The following HDAC9 variants were observed in gnomAD, a reference collection of about 807,000 sequenced individuals.
HDAC9 encodes the protein histone deacetylase 9.
A neutral mutation model predicts 139.4 loss-of-function variants in HDAC9; 41 were observed. That is an observed-to-expected ratio of 0.29 (90% CI 0.23 to 0.38). HDAC9 has a LOEUF of 0.38. Among genes scored for constraint, HDAC9 ranks in the 10% least tolerant of loss-of-function variants. The pLI, the probability that HDAC9 is intolerant of heterozygous loss-of-function variation, is 1.00. For missense variants in HDAC9, 1,147 were observed against 1,297.0 expected (o/e 0.88, Z 1.78); for synonymous variants, 517 against 476.2 (o/e 1.09, Z -1.12).
intron 1 of HDAC9, among the ~76,000 whole-genome samples, chr7:18,331,914 G>C (rs923754662): frequency 6.6e-6 from 1 of 151,380 alleles, no homozygotes; most frequent in African/African-American, 2.4e-5. Flanking sequence ...GTGGCACAGT[G>C]GTGATCACAT....
intron 2 of HDAC9, among the ~76,000 whole-genome samples, chr7:18,201,173 T>C (rs543865550): frequency 6.6e-6 from 1 of 152,204 alleles, no homozygotes; most frequent in East Asian, 1.9e-4. Flanking sequence ...CACTCCCCAT[T>C]CCCAGTCTCA....
At chr7:18,467,329 A>G (rs1380805725) in intron 1 of HDAC9, among the ~76,000 whole-genome samples, 5 of 152,154 alleles carry the variant, frequency 3.3e-5, no homozygotes, top group Middle Eastern at 3.4e-3. Context: ...CTTCCTATCA[A>G]CTATCCTTTG....
chr7:18,573,009 G>T (rs1204088254), intron 2 of HDAC9, among the ~76,000 whole-genome samples: 1 of 152,198 alleles, frequency 6.6e-6, no homozygotes, highest in East Asian at 1.9e-4. Flanking sequence ...TAAGAAGTTA[G>T]CTTGCTTTAA....
chr7:18,400,071 A>C (rs1787397919), intron 1 of HDAC9, among the ~76,000 whole-genome samples: 1 of 152,252 alleles, frequency 6.6e-6, no homozygotes, highest in Non-Finnish European at 1.5e-5. Flanking sequence ...GTTATGGGTG[A>C]GTCTTTCTTT....
chr7:18,239,334 C>T (rs1486393913), intron 2 of HDAC9, among the ~76,000 whole-genome samples: 1 of 152,174 alleles, frequency 6.6e-6, no homozygotes, highest in Non-Finnish European at 1.5e-5. Context: ...ATATCAACCA[C>T]CAGCACCCTC....
At chr7:18,374,905 G>T (rs542761583) in intron 1 of HDAC9, among the ~76,000 whole-genome samples, 13 of 152,090 alleles carry the variant, frequency 8.5e-5, no homozygotes, top group Non-Finnish European at 1.8e-4. Flanking sequence ...TAATGTCATA[G>T]TGTAAAGCAT....
chr7:18,273,037 C>T (rs373804509), intron 2 of HDAC9, among the ~76,000 whole-genome samples: 20 of 133,352 alleles, frequency 1.5e-4, no homozygotes, highest in East Asian at 1.4e-3. Context: ...TCTTCCTCTT[C>T]CCCTTCTTCC....
chr7:18,295,527 A>G (rs1304752451), intron 1 of HDAC9, among the ~76,000 whole-genome samples: 1 of 152,184 alleles, frequency 6.6e-6, no homozygotes, highest in African/African-American at 2.4e-5. Context: ...TTATTTTCCC[A>G]AGTGGCAGTA....
At chr7:18,775,589 C>G (rs1246743073) in intron 16 of HDAC9, among the ~76,000 whole-genome samples, 1 of 151,980 alleles carries the variant, frequency 6.6e-6, no homozygotes, top group Non-Finnish European at 1.5e-5. Flanking sequence ...ATTTACCATC[C>G]ATTCATTCAT....
At chr7:18,282,778 C>G (rs965672433) in intron 2 of HDAC9, among the ~76,000 whole-genome samples, 2 of 152,040 alleles carry the variant, frequency 1.3e-5, no homozygotes, top group Non-Finnish European at 2.9e-5. Context: ...GTAGTCTTCA[C>G]TCTATACAGC....
intron 23 of HDAC9, among the ~76,000 whole-genome samples, chr7:18,941,468 T>A (rs570216636): frequency 2.0e-5 from 3 of 152,304 alleles, no homozygotes; most frequent in African/African-American, 7.2e-5. Flanking sequence ...GAGATGTTGT[T>A]GTCCAAGTTG....
intron 17 of HDAC9, among the ~76,000 whole-genome samples, chr7:18,804,655 A>G (rs1226142313): frequency 6.6e-6 from 1 of 152,212 alleles, no homozygotes. Flanking sequence ...TAAACTGTGG[A>G]CAATGGATAT....
intron 22 of HDAC9, among the ~76,000 whole-genome samples, chr7:18,886,723 A>G (rs1031670481): frequency 5.3e-5 from 8 of 152,298 alleles, no homozygotes; most frequent in Admixed American, 3.3e-4. Context: ...ACTTCCAGTG[A>G]CTGAATAGAA....
chr7:18,476,337 C>G (rs544047431), intron 1 of HDAC9, among the ~76,000 whole-genome samples: 1 of 151,984 alleles, frequency 6.6e-6, no homozygotes, highest in African/African-American at 2.4e-5. Context: ...AAGTATTTCC[C>G]CAAGGGACAA....
chr7:18,547,861 C>G (rs62446989), intron 2 of HDAC9, among the ~76,000 whole-genome samples: 1 of 20,992 alleles, frequency 4.8e-5, no homozygotes, highest in Admixed American at 7.4e-4. Flanking sequence ...CCTTCCTACC[C>G]TCCCTCCCTC....
intron 1 of HDAC9, among the ~76,000 whole-genome samples, chr7:18,373,154 A>C (rs1487835309): frequency 6.6e-6 from 1 of 152,188 alleles, no homozygotes; most frequent in Non-Finnish European, 1.5e-5. Context: ...ACTGTCAACC[A>C]CAAAAAGAAC....
At chr7:18,837,121 A>T (rs913192159) in intron 21 of HDAC9, among the ~76,000 whole-genome samples, 8 of 151,874 alleles carry the variant, frequency 5.3e-5, no homozygotes, top group African/African-American at 9.7e-5. Context: ...ATAGCTATTT[A>T]AAAAATACAT....
At chr7:18,529,194 A>G (rs1032223613) in intron 2 of HDAC9, among the ~76,000 whole-genome samples, 5 of 152,152 alleles carry the variant, frequency 3.3e-5, no homozygotes, top group Non-Finnish European at 1.5e-5. Context: ...GAAAAAAAAA[A>G]TCTTTTGAAA....
At chr7:18,599,058 A>T (rs1304775879) in intron 6 of HDAC9, among the ~76,000 whole-genome samples, 1 of 152,230 alleles carries the variant, frequency 6.6e-6, no homozygotes, top group Non-Finnish European at 1.5e-5. Flanking sequence ...TTTGTTGTTC[A>T]TCGTAGGAGG....
Sources: allele counts gnomAD v4.1 joint callset (sites outside exome capture counted in the v4.1 genomes callset), GRCh38; gene constraint gnomAD v4.1.1; transcripts MANE v1.5; gene names NCBI Gene and HGNC (gene_info 2026-07-23, HGNC 2026-07-21).